Variants in HEATR5A observed in about 807,000 individuals in gnomAD.
The protein encoded by HEATR5A is HEAT repeat-containing protein 5A.
A neutral mutation model predicts 218.8 loss-of-function variants in HEATR5A; 178 were observed. The ratio of observed to expected loss-of-function variants is 0.81; its 90% CI spans 0.72 to 0.92. The LOEUF (loss-of-function observed/expected upper bound fraction) is 0.92, where lower values mean the gene tolerates loss of function less well. HEATR5A is among the 40% of genes least tolerant of loss of function. HEATR5A has a pLI of 0.00. For synonymous variants in HEATR5A, 864 were observed against 871.6 expected (o/e 0.99, Z 0.15); for missense variants, 2,420 against 2,418.9 (o/e 1.00, Z -0.01).
intron 22 of HEATR5A, among the ~76,000 whole-genome samples, chr14:31,332,180 ATC>A (rs1786334803): frequency 6.6e-6 from 1 of 152,240 alleles, no homozygotes; most frequent in Non-Finnish European, 1.5e-5. Flanking sequence ...AAATTATAAT[ATC>A]TGTTATGATG....
At position 31,358,878 on chromosome 14, in the gene HEATR5A, T is replaced by TA. The variant is rs1417962838; in HGVS notation, c.2235+15dup. 1.0e-5 allele frequency: 16 copies of TA among 1,597,448 alleles called. No individual in the cohort carries two copies. The highest frequency in any genetic ancestry group is 2.2e-5 in the East Asian group (1 of 44,668). On this transcript the variant is annotated intron_variant, in intron 15 of 35. Coordinates refer to ENST00000543095, the MANE Select transcript of HEATR5A (RefSeq NM_015473.4). ...ATCACAGATTGAATCTAATCAAGAG[T>TA]AAAAAATGGCCATACCTGTTCTTCA...
In HEATR5A at chr14:31,293,367, A is replaced by G; in HGVS notation, c.6079T>C (p.Ser2027Pro). ...TTTCCAGGACTCTTAGTATATTTAG[A>G]TGTTGGTATCTTGACTTTGACACTT... ...QESVKVKIPT[S>P]KYTKSPGKNS... The change falls in exon 36 of 36, where the codon TCT becomes CCT. Residue 2027 changes from serine (S) to proline (P), a missense_variant. By Grantham distance (74) the Ser-to-Pro change is moderately conservative (BLOSUM62 -1). Coordinates refer to ENST00000543095, the MANE Select transcript of HEATR5A (RefSeq NM_015473.4). The G allele has an allele frequency of 6.2e-7, 1 of 1,613,658 alleles. No homozygotes were observed. Among genetic ancestry groups the G allele is most frequent in the Non-Finnish European group, 8.5e-7 (1 of 1,179,794 alleles).
chr14:31,362,978 T>C (rs1901675198), intron 14 of HEATR5A, among the ~76,000 whole-genome samples: 1 of 152,046 alleles, frequency 6.6e-6, no homozygotes. Context: ...AGTTCACACC[T>C]GTAATCCCAG....
intron 35 of HEATR5A, 37 bp downstream of exon 35, chr14:31,293,854 T>A: frequency 6.7e-7 from 1 of 1,499,864 alleles, no homozygotes; most frequent in Non-Finnish European, 9.1e-7. Flanking sequence ...TTCTGATTTT[T>A]GTTGAGACTG....
intron 13 of HEATR5A, among the ~76,000 whole-genome samples, chr14:31,368,397 T>C (rs924263132): frequency 6.6e-6 from 1 of 152,156 alleles, no homozygotes; most frequent in Non-Finnish European, 1.5e-5. Context: ...GATAGCAGCA[T>C]AGCAGCACAA....
At chr14:31,313,699 A>G (rs1156252220) in intron 27 of HEATR5A, among the ~76,000 whole-genome samples, 1 of 152,232 alleles carries the variant, frequency 6.6e-6, no homozygotes, top group Non-Finnish European at 1.5e-5. Flanking sequence ...AAAAGCTCTG[A>G]AAAAACCTAA....
intron 1 of HEATR5A, among the ~76,000 whole-genome samples, chr14:31,407,584 TTA>T (rs1039144242): frequency 9.0e-3 from 12 of 1,338 alleles, no homozygotes; most frequent in African/African-American, 0.011. Context: ...CTTATTTTAT[TTA>T]TATATATATA....
intron 32 of HEATR5A, among the ~76,000 whole-genome samples, chr14:31,304,500 C>G (rs1372255870): frequency 6.6e-6 from 1 of 152,130 alleles, no homozygotes; most frequent in African/African-American, 2.4e-5. Flanking sequence ...TCACTGCAAC[C>G]TCCGCCTCCC....
At chr14:31,350,107 G>C in intron 17 of HEATR5A, 128 bp from the exon 18 acceptor site, 1 of 541,488 alleles carries the variant, frequency 1.8e-6, no homozygotes, top group Non-Finnish European at 3.0e-6. Context: ...AAACAAATAA[G>C]AACACAAAAA....
intron 4 of HEATR5A, among the ~76,000 whole-genome samples, chr14:31,395,756 T>C (rs774993692): frequency 1.1e-4 from 17 of 152,200 alleles, no homozygotes; most frequent in Non-Finnish European, 7.3e-5. Flanking sequence ...GTATCCCTCA[T>C]AGGCTGTTGT....
rs1401614893 is a variant in HEATR5A, at chr14:31,407,105, C to CA, written c.-74-4057dup. On this transcript the variant is annotated intron_variant, in intron 1 of 35. Coordinates refer to ENST00000543095, the MANE Select transcript of HEATR5A (RefSeq NM_015473.4). The stretch of plus-strand genomic sequence containing the variant: ...ATGAGTTCAAGACCAGCCTGAGCAA[C>CA]ATAATGAGACCCCCATCTCTACAAA... Among the ~76,000 whole-genome samples, 7 of 151,260 alleles carry CA rather than the reference C, an allele frequency of 4.6e-5. No individual in the cohort carries two copies. The South Asian group carries it at 6.3e-4, about 14-fold the overall frequency.
At chr14:31,398,818 GA>G in intron 3 of HEATR5A, 37 bp from the exon 4 acceptor site, 1 of 1,112,292 alleles carries the variant, frequency 9.0e-7, no homozygotes, top group Non-Finnish European at 1.3e-6. Flanking sequence ...AGTCACAGCT[GA>G]AAAAATAGGA....
At chr14:31,326,414 A>C in intron 22 of HEATR5A, 72 bp from the exon 23 acceptor site, 1 of 1,080,362 alleles carries the variant, frequency 9.3e-7, no homozygotes. Context: ...TCACACATTC[A>C]GTAGTTATTC....
intron 2 of HEATR5A, among the ~76,000 whole-genome samples, chr14:31,401,868 G>A (rs2030890691): frequency 6.6e-6 from 1 of 152,156 alleles, no homozygotes; most frequent in Non-Finnish European, 1.5e-5. Flanking sequence ...GTATATAAAT[G>A]TTAATAACAT....
chr14:31,417,449 G>A (rs1385426782), intron 1 of HEATR5A, among the ~76,000 whole-genome samples: 3 of 152,190 alleles, frequency 2.0e-5, no homozygotes, highest in South Asian at 2.1e-4. Context: ...GCCGGGCGTG[G>A]TGGCTAGCAC....
At chr14:31,333,303 C>T (rs938940294) in intron 22 of HEATR5A, among the ~76,000 whole-genome samples, 3 of 152,006 alleles carry the variant, frequency 2.0e-5, no homozygotes, top group Non-Finnish European at 4.4e-5. Context: ...GGCTGGAGTA[C>T]AGTGGCGTGA....
At chr14:31,398,919 A>G (rs750132963) in intron 3 of HEATR5A, 138 bp from the exon 4 acceptor site, 6 of 598,226 alleles carry the variant, frequency 1.0e-5, no homozygotes, top group Non-Finnish European at 1.8e-5. Context: ...ATCCTTTGAA[A>G]CACAAACATA....
At chr14:31,319,660 T>C (rs1382137589) in intron 25 of HEATR5A, among the ~76,000 whole-genome samples, 1 of 152,210 alleles carries the variant, frequency 6.6e-6, no homozygotes, top group Non-Finnish European at 1.5e-5. Context: ...ACAAGACAGC[T>C]AATGATTTTG....
At chr14:31,302,184 C>T (rs1313946605) in intron 33 of HEATR5A, 111 bp downstream of exon 33, 3 of 737,412 alleles carry the variant, frequency 4.1e-6, no homozygotes, top group Admixed American at 2.4e-5. Context: ...TGAATATGGT[C>T]TCCTCTAGGT....
Sources: gnomAD v4.1 joint callset for allele counts (sites outside exome capture counted in the v4.1 genomes callset) on GRCh38, gnomAD v4.1.1 for gene constraint, MANE v1.5 for transcripts, NCBI Gene and HGNC (gene_info 2026-07-23, HGNC 2026-07-21) for gene names.